Variants in HOOK3 observed in about 807,000 individuals in gnomAD.
HOOK3 encodes the protein hook microtubule tethering protein 3.
In HOOK3, 24 loss-of-function variants were observed where a neutral mutation model predicts 116.3. The ratio of observed to expected loss-of-function variants is 0.21; its 90% CI spans 0.15 to 0.29. The LOEUF is 0.29. HOOK3 is among the 10% of genes least tolerant of loss of function. The pLI is 1.00. For synonymous variants in HOOK3, 275 were observed against 283.0 expected, an observed-to-expected ratio of 0.97 and a Z score of 0.28; for missense variants, 632 against 830.2, an observed-to-expected ratio of 0.76 and a Z score of 2.93.
At chr8:42,969,952 G>A (rs1178490567) in intron 11 of HOOK3, among the ~76,000 whole-genome samples, 1 of 152,042 alleles carries the variant, frequency 6.6e-6, no homozygotes, top group Non-Finnish European at 1.5e-5. Flanking sequence ...TCAGCATAAT[G>A]AACTTAAAGT....
intron 13 of HOOK3, among the ~76,000 whole-genome samples, chr8:42,979,606 C>T (rs902628289): frequency 6.6e-6 from 1 of 152,088 alleles, no homozygotes; most frequent in Non-Finnish European, 1.5e-5. Flanking sequence ...CTGCTCCTCT[C>T]CTTCATTTCA....
chr8:42,948,911 C>T (rs1296981490), intron 5 of HOOK3, among the ~76,000 whole-genome samples: 4 of 152,186 alleles, frequency 2.6e-5, no homozygotes, highest in Non-Finnish European at 5.9e-5. Context: ...TATAACCAAA[C>T]AATCGATTGG....
At chr8:42,910,081 GT>G (rs2130330060) in intron 2 of HOOK3, among the ~76,000 whole-genome samples, 1 of 152,284 alleles carries the variant, frequency 6.6e-6, no homozygotes, top group African/African-American at 2.4e-5. Context: ...GATTTCAAAT[GT>G]TCTCACCATA....
chr8:42,981,074 T>C (rs1808931758), intron 13 of HOOK3, among the ~76,000 whole-genome samples: 1 of 149,052 alleles, frequency 6.7e-6, no homozygotes, highest in Non-Finnish European at 1.5e-5. Flanking sequence ...TTTTTTGAGA[T>C]GAGGTCTCAC....
chr8:43,015,223 C>G (rs1286814523), intron 21 of HOOK3, among the ~76,000 whole-genome samples: 1 of 151,978 alleles, frequency 6.6e-6, no homozygotes, highest in Non-Finnish European at 1.5e-5. Flanking sequence ...AGTTAGAATA[C>G]TATTATTGAC....
chr8:42,965,252 G>T (rs1045272644), intron 9 of HOOK3, among the ~76,000 whole-genome samples: 1 of 152,190 alleles, frequency 6.6e-6, no homozygotes, highest in African/African-American at 2.4e-5. Context: ...TTCGGGAAGG[G>T]CCAGATGACA....
At chr8:43,009,699 T>G (rs1236013475) in intron 18 of HOOK3, among the ~76,000 whole-genome samples, 2 of 152,180 alleles carry the variant, frequency 1.3e-5, no homozygotes, top group South Asian at 4.1e-4. Flanking sequence ...TTTTAAGCCA[T>G]TTTTAGTGTA....
chr8:42,981,590 AAAG>A (rs1226180653), intron 13 of HOOK3, among the ~76,000 whole-genome samples: 1 of 152,178 alleles, frequency 6.6e-6, no homozygotes, highest in East Asian at 1.9e-4. Flanking sequence ...GAGCCATTTA[AAAG>A]AATAAGGTGG....
intron 3 of HOOK3, among the ~76,000 whole-genome samples, chr8:42,926,580 C>G (rs1807769940): frequency 6.6e-6 from 1 of 152,176 alleles, no homozygotes; most frequent in Admixed American, 6.5e-5. Context: ...GCCATCAAGC[C>G]CGGCCTATAT....
intron 4 of HOOK3, among the ~76,000 whole-genome samples, 172 bp from the exon 5 acceptor site, chr8:42,943,141 A>G (rs1386126347): frequency 6.6e-6 from 1 of 152,082 alleles, no homozygotes; most frequent in African/African-American, 2.4e-5. Flanking sequence ...CTGTGACTCA[A>G]GATAGTTATG....
chr8:42,940,435 C>G (rs1421366772), intron 4 of HOOK3, among the ~76,000 whole-genome samples: 18 of 152,230 alleles, frequency 1.2e-4, no homozygotes, highest in Admixed American at 1.2e-3. Context: ...GGCAGCAGTA[C>G]AGTCCAGCCT....
intron 4 of HOOK3, among the ~76,000 whole-genome samples, chr8:42,937,174 T>C (rs1807988057): frequency 6.6e-6 from 1 of 152,202 alleles, no homozygotes; most frequent in South Asian, 2.1e-4. Context: ...TTTATTTGCA[T>C]AGAGGTGTTT....
intron 17 of HOOK3, among the ~76,000 whole-genome samples, chr8:43,003,749 G>C (rs1357007241): frequency 6.6e-6 from 1 of 152,148 alleles, no homozygotes; most frequent in Non-Finnish European, 1.5e-5. Context: ...CCTTCTTGTG[G>C]CTGGTAACCG....
At chr8:42,993,850 G>GT (rs1193953070) in intron 15 of HOOK3, among the ~76,000 whole-genome samples, 2 of 151,632 alleles carry the variant, frequency 1.3e-5, no homozygotes, top group African/African-American at 4.8e-5. Flanking sequence ...GTAATGTCTC[G>GT]TTTTTTTGTC....
intron 15 of HOOK3, among the ~76,000 whole-genome samples, chr8:42,994,759 T>G (rs892935595): frequency 6.6e-6 from 1 of 152,262 alleles, no homozygotes; most frequent in South Asian, 2.1e-4. Context: ...CTGCATACTT[T>G]AACAGTTACA....
intron 11 of HOOK3, among the ~76,000 whole-genome samples, chr8:42,971,303 G>T (rs1364457487): frequency 6.6e-6 from 1 of 152,138 alleles, no homozygotes; most frequent in East Asian, 1.9e-4. Context: ...GTCTCGCTCT[G>T]TCGCTCAGGC....
intron 4 of HOOK3, among the ~76,000 whole-genome samples, chr8:42,940,812 G>A (rs1264761670): frequency 6.6e-6 from 1 of 152,190 alleles, no homozygotes; most frequent in Non-Finnish European, 1.5e-5. Context: ...CTAGGTTGGG[G>A]AAGTTTTCCT....
chr8:42,954,677 G>A (rs1808402850), intron 6 of HOOK3, among the ~76,000 whole-genome samples: 1 of 152,204 alleles, frequency 6.6e-6, no homozygotes, highest in Admixed American at 6.5e-5. Flanking sequence ...TACCCAGTAT[G>A]TACCAAGCAC....
intron 2 of HOOK3, among the ~76,000 whole-genome samples, chr8:42,914,191 A>G (rs1375578263): frequency 6.6e-6 from 1 of 152,114 alleles, no homozygotes; most frequent in Non-Finnish European, 1.5e-5. Flanking sequence ...TCTTGTGACA[A>G]CATTCTCTGC....
Sources: allele counts gnomAD v4.1 joint callset (sites outside exome capture counted in the v4.1 genomes callset), GRCh38; gene constraint gnomAD v4.1.1; transcripts MANE v1.5; gene names NCBI Gene and HGNC (gene_info 2026-07-23, HGNC 2026-07-21).